Variants in CPT1A observed in about 807,000 individuals in gnomAD.
The protein encoded by CPT1A is carnitine palmitoyltransferase 1A, also known as carnitine O-palmitoyltransferase 1, liver isoform.
In CPT1A, 64 loss-of-function variants were observed where a neutral mutation model predicts 100.8. That is an observed-to-expected ratio of 0.63 (90% CI 0.52 to 0.78). The LOEUF is 0.78. Among genes scored for constraint, CPT1A ranks in the 30% least tolerant of loss-of-function variants. CPT1A has a pLI of 0.00. For missense variants in CPT1A, 802 were observed against 1,034.1 expected (o/e 0.78, Z 3.08); for synonymous variants, 363 against 396.0 (o/e 0.92, Z 0.99).
chr11:68,787,749 C>G (rs1450034330), intron 9 of CPT1A, among the ~76,000 whole-genome samples: 1 of 152,016 alleles, frequency 6.6e-6, no homozygotes, highest in African/African-American at 2.4e-5. Context: ...CGAGGCCAGC[C>G]TGGCCTACAT....
At chr11:68,775,556 C>T in intron 12 of CPT1A, 124 bp from the exon 13 acceptor site, 1 of 750,294 alleles carries the variant, frequency 1.3e-6, no homozygotes, top group Non-Finnish European at 2.3e-6. Context: ...GCTGTTAAGG[C>T]TTCCAGTATG....
upstream of CPT1A, among the ~76,000 whole-genome samples, chr11:68,842,643 A>G (rs1857184265): frequency 6.6e-6 from 1 of 152,186 alleles, no homozygotes; most frequent in South Asian, 2.1e-4. Flanking sequence ...TCCAGCGTCA[A>G]GAACATAATA....
upstream of CPT1A, among the ~76,000 whole-genome samples, chr11:68,843,092 A>G (rs1857191429): frequency 1.3e-5 from 2 of 152,246 alleles, no homozygotes; most frequent in African/African-American, 4.8e-5. This position sits in a 1 kb window ranked among gnomAD's most constrained non-coding sequence, Gnocchi z 4.0. Flanking sequence ...AGAAGAATTT[A>G]GAAGAGAAAA....
At chr11:68,778,945 C>A (rs190267221) in intron 12 of CPT1A, among the ~76,000 whole-genome samples, 294 of 151,904 alleles carry the variant, frequency 1.9e-3, no homozygotes, top group Middle Eastern at 3.4e-3. Flanking sequence ...GCCACCACGC[C>A]CGGCTAATTT....
rs745847209 is a variant in CPT1A at position 68,759,615 on chromosome 11, T to G, written c.2189A>C (p.Asn730Thr). 6.2e-7 allele frequency: 1 copy of G among 1,613,800 alleles called. No homozygotes were observed. ...GGAAGAAATGTGGAAATTGATGAGG[T>G]TCTCTCCCACAAGGATGTACGACAC... ...YGVSYILVGE[N>T]LINFHISSKF... is the part of the protein sequence containing the mutation. Residue 730 changes from asparagine (N) to threonine (T), a missense_variant, in exon 18 of 19, where the codon AAC becomes ACC. Physicochemically the swap from Asn to Thr is moderately conservative, Grantham distance 65 (BLOSUM62 0). Transcript: ENST00000265641.
At chr11:68,805,503 G>A (rs376356588) in intron 4 of CPT1A, among the ~76,000 whole-genome samples, 2 of 151,896 alleles carry the variant, frequency 1.3e-5, no homozygotes, top group South Asian at 4.2e-4. Context: ...TGTGTGGTGG[G>A]CACTGCAGTG....
intron 14 of CPT1A, among the ~76,000 whole-genome samples, chr11:68,771,697 C>A (rs1303336976): frequency 6.6e-6 from 1 of 152,212 alleles, no homozygotes; most frequent in African/African-American, 2.4e-5. Context: ...TTGGCCCATT[C>A]ATTCCAGTTC....
intron 9 of CPT1A, among the ~76,000 whole-genome samples, chr11:68,791,536 G>T (rs1212957513): frequency 6.6e-6 from 1 of 152,148 alleles, no homozygotes. Flanking sequence ...CATGGAGTGG[G>T]TTCTTTTTTG....
At chr11:68,769,168 C>CA (rs1424333262) in intron 14 of CPT1A, among the ~76,000 whole-genome samples, 4 of 152,186 alleles carry the variant, frequency 2.6e-5, no homozygotes, top group Non-Finnish European at 5.9e-5. Flanking sequence ...CTACTGATGT[C>CA]AAATGCTCCC....
At position 68,795,768 on chromosome 11, in the gene CPT1A, G is replaced by A. The variant is rs527500712; in HGVS notation, c.772-857C>T. 3.9e-5 allele frequency among the ~76,000 whole-genome samples: 6 copies of A among 152,078 alleles called. No individual in the cohort carries two copies. In the East Asian group the frequency reaches 1.2e-3, roughly 29 times the overall value. ...CTACTAAAAATACAAAAATTAGCCG[G>A]GCGTTGTGGCAGGTGCCTGTAATCC... On this transcript the variant is annotated intron_variant, in intron 7 of 18. Transcript: ENST00000265641.
chr11:68,834,516 C>T (rs530558533), intron 1 of CPT1A, among the ~76,000 whole-genome samples: 3 of 152,186 alleles, frequency 2.0e-5, no homozygotes, highest in African/African-American at 4.8e-5. Flanking sequence ...CTTTGGCAGG[C>T]GAAGGCAGGA....
At chr11:68,786,836 C>G (rs140206375) in intron 9 of CPT1A, among the ~76,000 whole-genome samples, 1 of 152,134 alleles carries the variant, frequency 6.6e-6, no homozygotes, top group Non-Finnish European at 1.5e-5. Flanking sequence ...GCCTCCTGCT[C>G]TGATTTTTAA....
At chr11:68,835,572 C>A (rs1329416603) in intron 1 of CPT1A, among the ~76,000 whole-genome samples, 1 of 152,254 alleles carries the variant, frequency 6.6e-6, no homozygotes, top group Non-Finnish European at 1.5e-5. Flanking sequence ...ACTCTCTTCA[C>A]ATCTGACCTC....
In CPT1A at chr11:68,756,901, A is replaced by G. The variant is rs1374875172; in HGVS notation, c.*743T>C. ...ATGTACGGTTATCCATACTCAGTCA[A>G]TTGTGAAGGGAACAGTATACCCACA... On this transcript the variant is annotated 3_prime_UTR_variant, in exon 19 of 19. Transcript: ENST00000265641. The G allele has an allele frequency of 6.6e-6, 1 of 152,384 alleles. No homozygotes were observed. The highest frequency in any genetic ancestry group is 2.4e-5 in the African/African-American group (1 of 41,420). The allele number at this position is 152,384 out of a possible 1,614,324, so 9.4% of individuals were successfully genotyped here.
At chr11:68,769,394 G>C (rs1053030439) in intron 14 of CPT1A, among the ~76,000 whole-genome samples, 10 of 149,938 alleles carry the variant, frequency 6.7e-5, no homozygotes, top group Admixed American at 6.0e-4. Flanking sequence ...GCGCCACCAT[G>C]CTGGGCTAAT....
Position 68,815,380 on chromosome 11 carries a change from T to G in CPT1A, c.95A>C (p.Tyr32Ser), listed in dbSNP as rs1467239014. 3.1e-6 allele frequency: 5 copies of G among 1,614,124 alleles called. No individual in the cohort carries two copies. Among genetic ancestry groups the G allele is most frequent in the Non-Finnish European group, 4.2e-6 (5 of 1,180,008 alleles). ...RLSHEALRQIYLSGLHSWKKK... is the reference protein window; with the variant it reads ...RLSHEALRQISLSGLHSWKKK... ...TTTCCAGGAATGAAGTCCAGAGAGA[T>G]AGATTTGTCTAAGAGCTTCATGGCT... Residue 32 changes from tyrosine to serine, a missense_variant, in exon 2 of 19, where the codon TAT (tyrosine) becomes TCT (serine). Transcript: ENST00000265641.
At chr11:68,799,649 G>C (rs1855851178) in intron 5 of CPT1A, among the ~76,000 whole-genome samples, 1 of 151,666 alleles carries the variant, frequency 6.6e-6, no homozygotes, top group African/African-American at 2.4e-5. Flanking sequence ...CAGCTACCTG[G>C]GGGGCTGAGG....
At chr11:68,760,460 T>G in intron 16 of CPT1A, 122 bp from the exon 17 acceptor site, 1 of 823,486 alleles carries the variant, frequency 1.2e-6, no homozygotes, top group East Asian at 2.9e-5. Flanking sequence ...CACAAGTCTA[T>G]GTCTCCAAAG....
chr11:68,762,701 T>A lies in CPT1A; in HGVS notation c.1801A>T (p.Arg601Trp). ...ASMTRLFREG[R>W]TETVRSCTTE... ...GTGCAGGAGCGCACGGTCTCCGTCC[T>A]CCCCTCTCGGAAGAGCCGGGTCATG... is the stretch of plus-strand genomic sequence containing the variant. Residue 601 changes from arginine to tryptophan, a missense_variant, in exon 15 of 19, where the codon AGG becomes TGG. Around this residue, in one of 4 missense-constraint regions of CPT1A, gnomAD observed 627 missense variants for 799.3 expected, o/e 0.78. Transcript: ENST00000265641. 2 of 1,613,624 alleles carry A rather than the reference T, an allele frequency of 1.2e-6. No homozygotes were observed. The highest frequency in any genetic ancestry group is 1.1e-5 in the South Asian group (1 of 91,012).
Sources: gnomAD v4.1 joint callset for allele counts (sites outside exome capture counted in the v4.1 genomes callset) on GRCh38, gnomAD v4.1.1 for gene constraint, gnomAD v4.1.1 regional missense constraint, Gnocchi (gnomAD v3.1) non-coding constraint, MANE v1.5 for transcripts, NCBI Gene and HGNC (gene_info 2026-07-23, HGNC 2026-07-21) for gene names.